The following SCRN3 variants were observed in gnomAD, a reference collection of about 807,000 sequenced individuals.
SCRN3 encodes the protein secernin-3.
A neutral mutation model predicts 43.1 loss-of-function variants in SCRN3; 39 were observed. The observed-to-expected ratio is 0.91, with a 90% CI of 0.70 to 1.18. The LOEUF (loss-of-function observed/expected upper bound fraction) is 1.18. Among genes scored for constraint, SCRN3 ranks in the 50% most tolerant of loss-of-function variants. The pLI, the probability that SCRN3 is intolerant of heterozygous loss-of-function variation, is 0.00. For synonymous variants in SCRN3, 147 were observed against 163.1 expected (o/e 0.90, Z 0.75); for missense variants, 484 against 498.0 (o/e 0.97, Z 0.27).
chr2:174,429,926 A>C (rs1686601105), downstream of SCRN3, among the ~76,000 whole-genome samples: 1 of 152,152 alleles, frequency 6.6e-6, no homozygotes, highest in Non-Finnish European at 1.5e-5. Context: ...TATCCATTTA[A>C]GGTTCCTGCA....
At chr2:174,419,479 A>C (rs929222849) in intron 5 of SCRN3, among the ~76,000 whole-genome samples, 7 of 152,178 alleles carry the variant, frequency 4.6e-5, no homozygotes, top group Non-Finnish European at 8.8e-5. Flanking sequence ...TCCTGGGCTT[A>C]AACAATCCTC....
intron 5 of SCRN3, among the ~76,000 whole-genome samples, chr2:174,418,060 A>C (rs1486964323): frequency 6.6e-6 from 1 of 152,212 alleles, no homozygotes; most frequent in African/African-American, 2.4e-5. Context: ...AAGAATTCTA[A>C]GGTTTAGGGT....
intron 3 of SCRN3, among the ~76,000 whole-genome samples, 158 bp downstream of exon 3, chr2:174,400,261 C>T (rs1385997251): frequency 6.6e-6 from 1 of 151,938 alleles, no homozygotes; most frequent in East Asian, 1.9e-4. Context: ...TCATGACTCT[C>T]AGTTTTGTTT....
chr2:174,396,579 C>T (rs989850711), intron 1 of SCRN3, among the ~76,000 whole-genome samples: 6 of 151,868 alleles, frequency 4.0e-5, no homozygotes, highest in African/African-American at 1.2e-4. Flanking sequence ...GGTGGATCAC[C>T]TGAGGTCAGG....
chr2:174,422,379 G>A (rs1033619757), intron 5 of SCRN3, among the ~76,000 whole-genome samples: 1 of 152,176 alleles, frequency 6.6e-6, no homozygotes, highest in Non-Finnish European at 1.5e-5. Context: ...TTCAAGACCA[G>A]CCTGGCCAAC....
chr2:174,396,467 G>A (rs1282833112), intron 1 of SCRN3, among the ~76,000 whole-genome samples: 1 of 152,234 alleles, frequency 6.6e-6, no homozygotes, highest in South Asian at 2.1e-4. Context: ...TGCAGCAGGT[G>A]ATCCACCAAC....
Position 174,429,322 on chromosome 2 carries a change from C to A in SCRN3, c.*1427C>A, listed in dbSNP as rs1234814287. ...CCACCTTGGCCTAAACTAGCACCGTCTTTTAGCTAGACCATTGCGTTAACT... is the reference window on the plus strand; with the variant it reads ...CCACCTTGGCCTAAACTAGCACCGTATTTTAGCTAGACCATTGCGTTAACT... On this transcript the variant is annotated 3_prime_UTR_variant, in exon 8 of 8. Coordinates refer to ENST00000272732, the MANE Select transcript of SCRN3 (RefSeq NM_024583.5). 6.6e-6 allele frequency: 1 copy of A among 152,182 alleles called. No individual in the cohort carries two copies. The highest frequency in any genetic ancestry group is 1.5e-5 in the Non-Finnish European group (1 of 68,032). 9.4% of individuals were successfully genotyped at this position (152,182 alleles called of 1,614,324 possible).
rs568794275 is a variant in SCRN3, at chr2:174,395,820, G to A, written c.-10+3G>A. ...ACTTCGGGTAGCTGGGAGGCCAGGT[G>A]AGGGGCGCGCACGGGGGAGGGGCGT... On this transcript the variant is annotated splice_donor_region_variant and intron_variant, in intron 1 of 7. Transcript: ENST00000272732. The A allele has an allele frequency of 2.6e-6, 4 of 1,526,824 alleles. No homozygotes were observed. In the East Asian group the frequency reaches 7.1e-5, roughly 27 times the overall value. The allele number at this position is 1,526,824 out of a possible 1,614,324, so 94.6% of individuals were successfully genotyped here. A position where few individuals can be genotyped will look rare whatever the true frequency, so the allele number is the denominator to read the frequency against.
chr2:174,404,013 C>A, intron 4 of SCRN3, 90 bp from the exon 5 acceptor site: 1 of 950,844 alleles, frequency 1.1e-6, no homozygotes, highest in Non-Finnish European at 1.6e-6. Flanking sequence ...TTTATGTTTA[C>A]ATAGTGATTA....
intron 5 of SCRN3, among the ~76,000 whole-genome samples, chr2:174,409,310 C>G (rs2105587020): frequency 7.0e-6 from 1 of 143,550 alleles, no homozygotes; most frequent in East Asian, 2.0e-4. Flanking sequence ...TCAGCTCCAT[C>G]AGCTCCTTTA....
intron 5 of SCRN3, among the ~76,000 whole-genome samples, chr2:174,409,272 T>C (rs1685812241): frequency 7.2e-6 from 1 of 138,694 alleles, no homozygotes; most frequent in Admixed American, 7.3e-5. Flanking sequence ...GCTTCTGCAT[T>C]CTTCACGTAG....
At chr2:174,415,184 A>G (rs1428946685) in intron 5 of SCRN3, among the ~76,000 whole-genome samples, 1 of 152,200 alleles carries the variant, frequency 6.6e-6, no homozygotes, top group East Asian at 1.9e-4. Context: ...CCACCAGAAA[A>G]GTTACATAAA....
At chr2:174,419,866 G>T (rs1288094569) in intron 5 of SCRN3, among the ~76,000 whole-genome samples, 1 of 152,152 alleles carries the variant, frequency 6.6e-6, no homozygotes, top group Non-Finnish European at 1.5e-5. Context: ...CACAGGGCTG[G>T]TTATGAAGGA....
In SCRN3 at chr2:174,427,849, AAATTCAAATTTAT is replaced by A; in HGVS notation, c.1230_1242del (p.Glu410AspfsTer18). 6.2e-7 allele frequency: 1 copy of A among 1,602,142 alleles called. No homozygotes were observed. The highest frequency in any genetic ancestry group is 2.2e-5 in the East Asian group (1 of 44,590). On this transcript the variant is annotated frameshift_variant, in exon 8 of 8. Transcript: ENST00000272732. LOFTEE classifies it high-confidence loss of function. ...CTCTTTCCTCAGTGTACAAAAGATG[AAATTCAAATTTAT>A]CAGTCAAATTTATCAGTCAAAGTTA...
intron 6 of SCRN3, 96 bp downstream of exon 6, chr2:174,423,143 AC>A: frequency 1.2e-6 from 1 of 858,662 alleles, no homozygotes; most frequent in Non-Finnish European, 1.7e-6. Flanking sequence ...TTTTTGTTAT[AC>A]AACTAGGACA....
intron 6 of SCRN3, among the ~76,000 whole-genome samples, chr2:174,423,777 CTTTTTT>C (rs67646903): frequency 5.2e-5 from 5 of 95,856 alleles, no homozygotes; most frequent in Admixed American, 1.1e-4. Context: ...CCAAGTCTTC[CTTTTTT>C]TTTTTTTTTT....
Position 174,398,434 on chromosome 2 carries a change from C to T in SCRN3, c.151C>T (p.Arg51Cys), listed in dbSNP as rs374241208. 85 of 1,595,926 alleles carry T rather than the reference C, an allele frequency of 5.3e-5. No individual in the cohort carries two copies. Among genetic ancestry groups the T allele is most frequent in the Non-Finnish European group, 6.5e-5 (76 of 1,174,472 alleles). ...TGTAGTTCATGATAACCTGGGAGAACGTCTTAAGGTAGGTGAAATAAATGT... is the reference window on the plus strand; with the variant it reads ...TGTAGTTCATGATAACCTGGGAGAATGTCTTAAGGTAGGTGAAATAAATGT... ...PAVVHDNLGE[R>C]LKCTYIEIDQ... is the part of the protein sequence containing the mutation. Residue 51 changes from arginine (R) to cysteine (C), a missense_variant, in exon 2 of 8, where the codon CGT becomes TGT. Physicochemically the swap from Arg to Cys is radical, Grantham distance 180. Transcript: ENST00000272732.
intron 5 of SCRN3, among the ~76,000 whole-genome samples, chr2:174,409,567 G>GT (rs537800157): frequency 2.1e-5 from 3 of 141,702 alleles, no homozygotes; most frequent in African/African-American, 5.1e-5. Flanking sequence ...TTTCTGTTCT[G>GT]TTTTTTCCCC....
chr2:174,415,914 A>G (rs35275090), intron 5 of SCRN3, among the ~76,000 whole-genome samples: 31,085 of 152,038 alleles, frequency 0.2, 3,544 homozygotes, highest in Middle Eastern at 0.38. Flanking sequence ...CAAAGTGCTG[A>G]GATTACAGGT....
Sources: gnomAD v4.1 joint callset for allele counts (sites outside exome capture counted in the v4.1 genomes callset) on GRCh38, gnomAD v4.1.1 for gene constraint, MANE v1.5 for transcripts, NCBI Gene and HGNC (gene_info 2026-07-23, HGNC 2026-07-21) for gene names.